The following ATF7IP2 variants were observed in gnomAD, a reference collection of about 807,000 sequenced individuals.
The protein encoded by ATF7IP2 is activating transcription factor 7 interacting protein 2, also known as activating transcription factor 7-interacting protein 2.
Under a neutral mutation model 64.2 loss-of-function variants are expected in ATF7IP2, and 42 were observed. The observed-to-expected ratio is 0.65, with a 90% CI of 0.51 to 0.85. The LOEUF (loss-of-function observed/expected upper bound fraction) is 0.85. Ranked by LOEUF, ATF7IP2 falls within the 40% of genes least tolerant of loss-of-function variation. ATF7IP2 has a pLI of 0.00. For missense variants in ATF7IP2, 933 were observed against 784.2 expected, an observed-to-expected ratio of 1.19 and a Z score of -2.27; for synonymous variants, 308 against 272.8, an observed-to-expected ratio of 1.13 and a Z score of -1.27.
At chr16:10,429,055 A>C (rs1596484041) in intron 4 of ATF7IP2, 39 bp downstream of exon 4, 1 of 152,126 alleles carries the variant, frequency 6.6e-6, no homozygotes, top group East Asian at 1.9e-4. Flanking sequence ...CTTTAAAATA[A>C]TATAAGAATG....
At position 10,479,958 on chromosome 16, in the gene ATF7IP2, C is replaced by CTTTTTTTTT. The variant is rs201158427; in HGVS notation, c.1550-886_1550-878dup. Among the ~76,000 whole-genome samples the CTTTTTTTTT allele has an allele frequency of 1.2e-4, 10 of 80,590 alleles. 1 individual carries two copies. Among genetic ancestry groups the CTTTTTTTTT allele is most frequent in the East Asian group, 7.6e-4 (2 of 2,634 alleles). The allele number at this position is 80,590 out of a possible 152,430, so 52.9% of individuals were successfully genotyped here. A position where few individuals can be genotyped will look rare whatever the true frequency, so the allele number is the denominator to read the frequency against. On this transcript the variant is annotated intron_variant, in intron 12 of 13. Transcript: ENST00000562102. ...TCTCAGTGATTTAGAACTGGAAATA[C>CTTTTTTTTT]TTTTTTTTTTTTTTTTTTTTTTTTT...
At chr16:10,481,797 C>A in intron 13 of ATF7IP2, 39 bp from the exon 14 acceptor site, 3 of 1,482,990 alleles carry the variant, frequency 2.0e-6, no homozygotes, top group Non-Finnish European at 1.8e-6. Context: ...TGCAATTGAC[C>A]ACTTTAAAAG....
intron 2 of ATF7IP2, among the ~76,000 whole-genome samples, chr16:10,418,263 GTGGGCCAGGTGTT>G (rs1461176132): frequency 4.6e-5 from 7 of 152,218 alleles, no homozygotes; most frequent in Non-Finnish European, 1.0e-4. Context: ...TCCACCCCAG[GTGGGCCAGGTGTT>G]CCTTGCCCTC....
At chr16:10,391,031 G>A (rs551605557) in intron 1 of ATF7IP2, among the ~76,000 whole-genome samples, 26 of 151,910 alleles carry the variant, frequency 1.7e-4, no homozygotes, top group African/African-American at 5.3e-4. Context: ...AGTAGCATGC[G>A]CCAGTAGTCC....
At chr16:10,418,270 A>G (rs527779382) in intron 2 of ATF7IP2, among the ~76,000 whole-genome samples, 5 of 152,336 alleles carry the variant, frequency 3.3e-5, no homozygotes, top group African/African-American at 4.8e-5. Flanking sequence ...CAGGTGGGCC[A>G]GGTGTTCCTT....
chr16:10,439,514 G>A (rs764540513), intron 7 of ATF7IP2, among the ~76,000 whole-genome samples: 16 of 145,386 alleles, frequency 1.1e-4, no homozygotes, highest in South Asian at 2.2e-4. Context: ...GATTATAGGC[G>A]TGAGCCACCG....
intron 1 of ATF7IP2, among the ~76,000 whole-genome samples, chr16:10,410,966 G>T (rs1244630119): frequency 6.6e-6 from 1 of 152,098 alleles, no homozygotes; most frequent in African/African-American, 2.4e-5. Flanking sequence ...TTTATTTAGA[G>T]ATAATTGTAT....
At chr16:10,473,861 T>C in intron 11 of ATF7IP2, 62 bp from the exon 12 acceptor site, 3 of 1,114,940 alleles carry the variant, frequency 2.7e-6, no homozygotes. Context: ...TGGTTTTAAA[T>C]TTTTAAAAAC....
At chr16:10,395,687 C>CTTTTTA (rs2047407575) in intron 1 of ATF7IP2, among the ~76,000 whole-genome samples, 2 of 152,222 alleles carry the variant, frequency 1.3e-5, no homozygotes, top group Admixed American at 1.3e-4. Context: ...GCTACATGAT[C>CTTTTTA]TTTTTAAGAG....
intron 1 of ATF7IP2, among the ~76,000 whole-genome samples, chr16:10,397,081 A>C (rs2047434287): frequency 6.6e-6 from 1 of 152,210 alleles, no homozygotes; most frequent in Non-Finnish European, 1.5e-5. Flanking sequence ...TTATCAAAGC[A>C]ACTATTCTTT....
intron 1 of ATF7IP2, among the ~76,000 whole-genome samples, chr16:10,410,748 A>C (rs946731671): frequency 6.6e-6 from 1 of 152,194 alleles, no homozygotes; most frequent in Non-Finnish European, 1.5e-5. Flanking sequence ...TTTAATTGCC[A>C]TGTCAATCTC....
At chr16:10,442,988 G>A (rs1488299610) in intron 8 of ATF7IP2, among the ~76,000 whole-genome samples, 1 of 152,162 alleles carries the variant, frequency 6.6e-6, no homozygotes, top group Non-Finnish European at 1.5e-5. Flanking sequence ...ATATAAACGT[G>A]AGAATCAAAA....
intron 9 of ATF7IP2, among the ~76,000 whole-genome samples, chr16:10,468,745 C>A (rs946331020): frequency 3.3e-5 from 5 of 152,184 alleles, no homozygotes; most frequent in African/African-American, 1.2e-4. Context: ...CTACGAGAGA[C>A]TGGGGAAAGA....
At chr16:10,391,907 A>G (rs78160363) in intron 1 of ATF7IP2, among the ~76,000 whole-genome samples, 2 of 151,888 alleles carry the variant, frequency 1.3e-5, no homozygotes, top group African/African-American at 4.8e-5. Context: ...AAAAAAAAAA[A>G]GAAAAGGAGG....
At chr16:10,394,492 C>T (rs1333328624) in intron 1 of ATF7IP2, among the ~76,000 whole-genome samples, 2 of 152,174 alleles carry the variant, frequency 1.3e-5, no homozygotes, top group Non-Finnish European at 2.9e-5. Flanking sequence ...ATCAGTGAGA[C>T]AAGAGACGAC....
Position 10,465,305 on chromosome 16 carries a change from T to C in ATF7IP2, c.1353-6805T>C, listed in dbSNP as rs558688190. Among the ~76,000 whole-genome samples, 50 of 152,234 alleles carry C rather than the reference T, an allele frequency of 3.3e-4. 1 individual carries two copies. Among genetic ancestry groups the C allele is most frequent in the African/African-American group, 1.2e-3 (50 of 41,524 alleles). ...AACTATGCTCTTACCTACTACATAA[T>C]AACAATGCCTAGAGAAATGAATTAC... is the stretch of plus-strand genomic sequence containing the variant. On this transcript the variant is annotated intron_variant, in intron 9 of 13. Coordinates refer to ENST00000562102, the MANE Select transcript of ATF7IP2 (RefSeq NM_001393719.1).
intron 9 of ATF7IP2, among the ~76,000 whole-genome samples, chr16:10,466,208 T>TA (rs561797349): frequency 3.7e-4 from 56 of 152,380 alleles, no homozygotes; most frequent in African/African-American, 1.3e-3. Flanking sequence ...TGCTATATAA[T>TA]ATCATATGAA....
chr16:10,408,760 T>A (rs2047692911), intron 1 of ATF7IP2, among the ~76,000 whole-genome samples: 1 of 152,224 alleles, frequency 6.6e-6, no homozygotes, highest in Admixed American at 6.5e-5. Flanking sequence ...GATGTATAGG[T>A]TATAAAGATT....
chr16:10,458,671 A>G (rs1276593857), intron 9 of ATF7IP2, among the ~76,000 whole-genome samples: 1 of 152,212 alleles, frequency 6.6e-6, no homozygotes, highest in Non-Finnish European at 1.5e-5. Flanking sequence ...TCTTCCAAAG[A>G]ATAGAAAAAA....
Sources: gnomAD v4.1 joint callset for allele counts (sites outside exome capture counted in the v4.1 genomes callset) on GRCh38, gnomAD v4.1.1 for gene constraint, MANE v1.5 for transcripts, NCBI Gene and HGNC (gene_info 2026-07-23, HGNC 2026-07-21) for gene names.